Variants in SLC37A3 observed in about 807,000 individuals in gnomAD.
SLC37A3 encodes the protein sugar phosphate exchanger 3.
In SLC37A3, 51 loss-of-function variants were observed where a neutral mutation model predicts 67.1. That is an observed-to-expected ratio of 0.76 (90% CI 0.61 to 0.96). The LOEUF (loss-of-function observed/expected upper bound fraction) is 0.96, where lower values mean the gene tolerates loss of function less well. Among genes scored for constraint, SLC37A3 ranks in the 40% least tolerant of loss-of-function variants. The probability of loss-of-function intolerance (pLI) is 0.00; values close to 1 mark genes in which losing one functional copy is unlikely to be tolerated. For synonymous variants in SLC37A3, 214 were observed against 231.4 expected (o/e 0.92, Z 0.68); for missense variants, 508 against 603.0 (o/e 0.84, Z 1.65).
intron 7 of SLC37A3, among the ~76,000 whole-genome samples, chr7:140,354,780 A>G (rs867641177): frequency 1.6e-4 from 22 of 139,816 alleles, no homozygotes; most frequent in Middle Eastern, 3.8e-3. Flanking sequence ...TTGCTCCATC[A>G]CCAAGATTGG....
chr7:140,343,732 C>T (rs368640501), intron 12 of SLC37A3, 169 bp from the exon 13 acceptor site: 21 of 647,036 alleles, frequency 3.2e-5, no homozygotes, highest in African/African-American at 2.6e-4. Context: ...TTAACATCCA[C>T]GTTCCTGAAA....
Position 140,335,025 on chromosome 7 carries a change from C to T in SLC37A3, c.*387G>A. On this transcript the variant is annotated 3_prime_UTR_variant, in exon 15 of 15. Coordinates refer to ENST00000326232, the MANE Select transcript of SLC37A3 (RefSeq NM_207113.3). ...TTGTGGAACATACCACCAACACAAACCACGCGTGGCTTTGCCTCCTGTTCA... is the reference window on the plus strand; with the variant it reads ...TTGTGGAACATACCACCAACACAAATCACGCGTGGCTTTGCCTCCTGTTCA... 1.9e-6 allele frequency: 1 copy of T among 534,878 alleles called. No homozygotes were observed. Among genetic ancestry groups the T allele is most frequent in the East Asian group, 3.4e-5 (1 of 29,708 alleles). The allele number at this position is 534,878 out of a possible 1,614,324, so 33.1% of individuals were successfully genotyped here.
At chr7:140,366,085 G>C (rs1430059045) in intron 4 of SLC37A3, among the ~76,000 whole-genome samples, 1 of 151,536 alleles carries the variant, frequency 6.6e-6, no homozygotes, top group African/African-American at 2.4e-5. Context: ...CTACAGGCCT[G>C]CCAATTTTTG....
intron 1 of SLC37A3, among the ~76,000 whole-genome samples, chr7:140,383,147 T>A (rs1042843758): frequency 6.6e-6 from 1 of 151,856 alleles, no homozygotes; most frequent in South Asian, 2.1e-4. Context: ...GCTCTCTCTA[T>A]GCAGTAGCTG....
At position 140,387,792 on chromosome 7, in the gene SLC37A3, TTA is replaced by T. The variant is rs368580194; in HGVS notation, c.-70-5198_-70-5197del. 2.3e-3 allele frequency among the ~76,000 whole-genome samples: 154 copies of T among 66,928 alleles called. 3 individuals carry two copies. Among genetic ancestry groups the T allele is most frequent in the South Asian group, 4.8e-3 (8 of 1,662 alleles). 43.9% of individuals were successfully genotyped at this position (66,928 alleles called of 152,430 possible). A position where few individuals can be genotyped will look rare whatever the true frequency, so the allele number is the denominator to read the frequency against. ...TATATTATACATAAATATAAATATA[TTA>T]TATATATTATACATAAATATAAATA... On this transcript the variant is annotated intron_variant, in intron 1 of 14. Transcript: ENST00000326232.
Position 140,364,466 on chromosome 7 carries a change from CCAA to C in SLC37A3, c.314_316del (p.Val105del), listed in dbSNP as rs1797518574. The C allele has an allele frequency of 9.9e-6, 16 of 1,613,850 alleles. No individual in the cohort carries two copies. In the South Asian group the frequency reaches 1.3e-4, roughly 13 times the overall value. On this transcript the variant is annotated inframe_deletion, in exon 5 of 15. Transcript: ENST00000326232. ...AACCCATCGCAAATTCAACCGATCC[CCAA>C]CGATGCCACTGATGAATAGGCCCTA... is the stretch of plus-strand genomic sequence containing the variant.
intron 5 of SLC37A3, among the ~76,000 whole-genome samples, chr7:140,362,393 G>C (rs1797356835): frequency 2.2e-5 from 3 of 135,598 alleles, no homozygotes; most frequent in Non-Finnish European, 3.2e-5. Flanking sequence ...TCTCCGCCCG[G>C]CAGCCGCCCC....
In SLC37A3 at chr7:140,345,413, C is replaced by T. The variant is rs1240202859; in HGVS notation, c.1127-150G>A. 18 of 646,258 alleles carry T rather than the reference C, an allele frequency of 2.8e-5. No individual in the cohort carries two copies. The East Asian group carries it at 3.8e-4, about 14-fold the overall frequency. 40.0% of individuals were successfully genotyped at this position (646,258 alleles called of 1,614,324 possible). ...ACACAACTCTCTCTGCCTCTTTCAA[C>T]TCTGATTTGTAACGTCTGCCTCTTG... On this transcript the variant is annotated intron_variant, in intron 11 of 14. Transcript: ENST00000326232.
intron 1 of SLC37A3, among the ~76,000 whole-genome samples, chr7:140,391,738 G>A (rs1284852946): frequency 6.6e-6 from 1 of 152,114 alleles, no homozygotes; most frequent in Non-Finnish European, 1.5e-5. Flanking sequence ...TACCCCTCCT[G>A]AGCAAGTAAC....
At chr7:140,355,557 A>T in intron 7 of SLC37A3, 111 bp downstream of exon 7, 1 of 985,984 alleles carries the variant, frequency 1.0e-6, no homozygotes, top group Non-Finnish European at 1.5e-6. Flanking sequence ...CTATCCAGAC[A>T]CAGTTCTACA....
chr7:140,342,648 T>A (rs1232326069), intron 13 of SLC37A3, among the ~76,000 whole-genome samples: 4 of 150,464 alleles, frequency 2.7e-5, no homozygotes, highest in Non-Finnish European at 5.9e-5. Flanking sequence ...AGAAAAGAAA[T>A]ATCTGTCCCA....
chr7:140,371,874 C>T (rs956525083), intron 3 of SLC37A3, among the ~76,000 whole-genome samples: 7 of 150,820 alleles, frequency 4.6e-5, no homozygotes, highest in Non-Finnish European at 7.4e-5. Flanking sequence ...TTTTTGGAGA[C>T]GGAGTCTCGC....
intron 3 of SLC37A3, among the ~76,000 whole-genome samples, chr7:140,375,239 C>T (rs1301006446): frequency 1.8e-4 from 27 of 148,140 alleles, no homozygotes; most frequent in Admixed American, 1.4e-3. Context: ...AAGGCGGGGG[C>T]GGGTGGATTG....
chr7:140,359,760 TA>T (rs1263602999), intron 5 of SLC37A3, among the ~76,000 whole-genome samples: 23 of 152,170 alleles, frequency 1.5e-4, no homozygotes, highest in Admixed American at 2.6e-4. Flanking sequence ...CTGGAATAAG[TA>T]AAACTGTACA....
intron 9 of SLC37A3, among the ~76,000 whole-genome samples, chr7:140,351,070 C>T (rs1796774276): frequency 6.6e-6 from 1 of 152,138 alleles, no homozygotes; most frequent in African/African-American, 2.4e-5. Flanking sequence ...TTATTCTCTG[C>T]CTCTTCATGG....
intron 9 of SLC37A3, among the ~76,000 whole-genome samples, chr7:140,349,544 G>T (rs984636621): frequency 1.3e-5 from 2 of 150,392 alleles, no homozygotes; most frequent in African/African-American, 2.4e-5. Context: ...AAAAAGGGGG[G>T]GGGGACAGAG....
chr7:140,382,047 A>T (rs34595563), intron 2 of SLC37A3, among the ~76,000 whole-genome samples: 27,054 of 144,366 alleles, frequency 0.19, 3,438 homozygotes, highest in African/African-American at 0.36. Context: ...TATGTTTTTT[A>T]AAAAAAAAAA....
intron 13 of SLC37A3, 111 bp downstream of exon 13, chr7:140,343,301 C>G: frequency 6.8e-7 from 1 of 1,470,680 alleles, no homozygotes; most frequent in Non-Finnish European, 9.3e-7. Context: ...GCTCTGGGAA[C>G]AGCGTTCTAC....
chr7:140,336,416 A>C (rs1326041046), intron 14 of SLC37A3, among the ~76,000 whole-genome samples: 1 of 152,124 alleles, frequency 6.6e-6, no homozygotes, highest in Non-Finnish European at 1.5e-5. Context: ...ACAGAATGAG[A>C]CCTGTCTCAA....
Sources: allele counts gnomAD v4.1 joint callset (sites outside exome capture counted in the v4.1 genomes callset), GRCh38; gene constraint gnomAD v4.1.1; transcripts MANE v1.5; gene names NCBI Gene and HGNC (gene_info 2026-07-23, HGNC 2026-07-21).